Variants in BCORL1 observed in about 807,000 individuals in gnomAD.
The protein encoded by BCORL1 is BCL6 corepressor like 1, also known as BCL-6 corepressor-like protein 1.
BCORL1 carries 7 observed loss-of-function variants against 87.6 expected under a neutral mutation model. The observed-to-expected ratio is 0.08, with a 90% confidence interval of 0.05 to 0.15. BCORL1 has a LOEUF of 0.15. BCORL1 is among the 10% of genes least tolerant of loss of function. BCORL1 has a pLI of 1.00. For synonymous variants in BCORL1, 591 were observed against 634.4 expected (o/e 0.93, Z 1.03); for missense variants, 1,215 against 1,499.7 (o/e 0.81, Z 3.13).
intron 1 of BCORL1, among the ~76,000 whole-genome samples, chrX:129,995,453 T>C (rs1477233150): frequency 9.0e-6 from 1 of 111,565 alleles, no homozygotes; most frequent in South Asian, 3.8e-4. Flanking sequence ...TTTATTTTTA[T>C]TTTTTGACAC....
chrX:129,988,744 G>T (rs1048785791), intron 1 of BCORL1, among the ~76,000 whole-genome samples: 3 of 111,459 alleles, frequency 2.7e-5, no homozygotes, highest in Non-Finnish European at 5.6e-5. Context: ...ACAAAATTTG[G>T]TTACCTCATT....
chrX:130,011,152 T>TG (rs1391999081), intron 2 of BCORL1, among the ~76,000 whole-genome samples: 1 of 109,412 alleles, frequency 9.1e-6, no homozygotes, highest in African/African-American at 3.3e-5. Context: ...GCGTCTATGT[T>TG]GGGGTTTTAT....
intron 1 of BCORL1, among the ~76,000 whole-genome samples, chrX:129,993,754 G>T (rs1172774062): frequency 8.9e-6 from 1 of 111,906 alleles, no homozygotes; most frequent in Non-Finnish European, 1.9e-5. Flanking sequence ...TCTTGGAATA[G>T]ATTACGTATG....
At chrX:130,012,441 C>G in intron 2 of BCORL1, 137 bp from the exon 3 acceptor site, 1 of 512,150 alleles carries the variant, frequency 2.0e-6, no homozygotes. Flanking sequence ...CTTGTAATCC[C>G]CCTCACAAGT....
chrX:130,054,444 G>A (rs1285813116), intron 13 of BCORL1, among the ~76,000 whole-genome samples: 1 of 111,166 alleles, frequency 9.0e-6, no homozygotes, highest in Non-Finnish European at 1.9e-5. Context: ...GAGAAGGATG[G>A]AGCAAGGCAC....
Position 130,016,019 on chromosome X carries a change from C to T in BCORL1, c.3247C>T (p.Arg1083Trp), listed in dbSNP as rs759209893. The change falls in exon 4 of 14, where the codon CGG becomes TGG. Residue 1083 changes from arginine (R) to tryptophan (W), a missense_variant. Arg to Trp is a moderately radical substitution (Grantham distance 101). Transcript: ENST00000540052. ...VAPQRGQAEV[R>W]AKAGQARVKQ... ...TCCCCAGAGGGGCCAAGCTGAAGTT[C>T]GGGCTAAGGCCGGGCAGGCTCGAGT... 9.9e-6 allele frequency: 12 copies of T among 1,211,734 alleles called. No homozygotes were observed. The highest frequency in any genetic ancestry group is 2.3e-4 in the Middle Eastern group (1 of 4,354).
At chrX:129,996,297 C>A (rs1383066736) in intron 1 of BCORL1, among the ~76,000 whole-genome samples, 1 of 111,535 alleles carries the variant, frequency 9.0e-6, no homozygotes, top group Non-Finnish European at 1.9e-5. Flanking sequence ...CAGGGCCAGG[C>A]TTCAAGATGA....
At position 130,034,527 on chromosome X, in the gene BCORL1, T is replaced by C; in HGVS notation, c.4378T>C (p.Cys1460Arg). The C allele has an allele frequency of 2.0e-6, 2 of 983,043 alleles. No individual in the cohort carries two copies. Among genetic ancestry groups the C allele is most frequent in the Non-Finnish European group, 2.6e-6 (2 of 756,062 alleles). The allele number at this position is 983,043 out of a possible 1,213,427, so 81.0% of individuals were successfully genotyped here. A position where few individuals can be genotyped will look rare whatever the true frequency, so the allele number is the denominator to read the frequency against. ...SPTPVKPTEP[C>R]TPSKSRSASS... ...CACCCCAGTGAAACCCACAGAACCA[T>C]GTACACCCTCTAAGTCCCGAAGTGC... Residue 1460 changes from cysteine to arginine, a missense_variant, in exon 9 of 14, where the codon TGT becomes CGT. Physicochemically the swap from Cys to Arg is radical, Grantham distance 180. This residue lies in a region of BCORL1 where 166 missense variants were observed against 196.5 expected (regional missense o/e 0.84). Transcript: ENST00000540052.
chrX:130,025,526 G>C, intron 7 of BCORL1, 147 bp downstream of exon 7: 1 of 524,919 alleles, frequency 1.9e-6, no homozygotes. Flanking sequence ...CTCAACTCCA[G>C]CTCCGAGCCT....
At chrX:129,983,432 G>T (rs750403730) in intron 1 of BCORL1, among the ~76,000 whole-genome samples, 2 of 100,385 alleles carry the variant, frequency 2.0e-5, no homozygotes, top group Non-Finnish European at 4.1e-5. Flanking sequence ...TTTTTGGGGG[G>T]GGGGGGTGTC....
chrX:129,983,646 A>G (rs1423022515), intron 1 of BCORL1, among the ~76,000 whole-genome samples: 1 of 106,668 alleles, frequency 9.4e-6, no homozygotes, highest in Non-Finnish European at 1.9e-5. Context: ...GAGTCCCTGG[A>G]AAAAAGGCGG....
rs1045410464 is a variant in BCORL1, at chrX:130,056,207, G to A, written c.*71G>A. 1.5e-5 allele frequency: 15 copies of A among 1,032,926 alleles called. No homozygotes were observed. Among genetic ancestry groups the A allele is most frequent in the South Asian group, 2.4e-5 (1 of 40,939 alleles). The allele number at this position is 1,032,926 out of a possible 1,213,427, so 85.1% of individuals were successfully genotyped here. ...TTCCCCCACCTCCTTGTCTTTCCCC[G>A]ACCGAGCACCAGACTGCAGAATGAG... On this transcript the variant is annotated 3_prime_UTR_variant, in exon 14 of 14. Coordinates refer to ENST00000540052, the MANE Select transcript of BCORL1 (RefSeq NM_001379451.1).
chrX:130,034,432 A>G, intron 8 of BCORL1, 23 bp from the exon 9 acceptor site: 1 of 973,388 alleles, frequency 1.0e-6, no homozygotes, highest in Non-Finnish European at 1.3e-6. Context: ...GACCTGACCT[A>G]GGACTGCATC....
At chrX:130,034,744 T>C in intron 9 of BCORL1, 68 bp downstream of exon 9, 2 of 796,177 alleles carry the variant, frequency 2.5e-6, no homozygotes, top group Admixed American at 6.3e-5. Context: ...CTTTTCTCCA[T>C]GGGCTCTTCT....
At position 130,034,584 on chromosome X, in the gene BCORL1, G is replaced by A. The variant is rs771585217; in HGVS notation, c.4435G>A (p.Ala1479Thr). 4.1e-6 allele frequency: 4 copies of A among 983,398 alleles called. No homozygotes were observed. Among genetic ancestry groups the A allele is most frequent in the Non-Finnish European group, 5.3e-6 (4 of 756,203 alleles). 81.0% of individuals were successfully genotyped at this position (983,398 alleles called of 1,213,427 possible). ...SSEEASESPT[A>T]RQIPPEARRL... Reference sequence around the variant, plus strand: ...AGAGGAGGCCTCAGAGTCACCTACAGCCCGGCAGATCCCCCCAGAGGCACG... The same window carrying A: ...AGAGGAGGCCTCAGAGTCACCTACAACCCGGCAGATCCCCCCAGAGGCACG... The change falls in exon 9 of 14, where the codon GCC (alanine) becomes ACC (threonine). Residue 1479 changes from alanine (A) to threonine (T), a missense_variant. Ala to Thr is a moderately conservative substitution (Grantham distance 58). This residue lies in a region of BCORL1 where 55 missense variants were observed against 115.1 expected (regional missense o/e 0.48). Coordinates refer to ENST00000540052, the MANE Select transcript of BCORL1 (RefSeq NM_001379451.1).
chrX:129,982,237 T>C (rs1227287956), upstream of BCORL1, among the ~76,000 whole-genome samples: 2 of 111,206 alleles, frequency 1.8e-5, no homozygotes, highest in African/African-American at 6.5e-5. Flanking sequence ...GCCCCGCAGA[T>C]TGAGCGCCTC....
At chrX:130,031,658 C>T (rs982034718) in intron 8 of BCORL1, among the ~76,000 whole-genome samples, 7 of 111,560 alleles carry the variant, frequency 6.3e-5, no homozygotes, top group Non-Finnish European at 1.1e-4. Context: ...GTGGCACCTG[C>T]CTTTAGTTCC....
At position 130,013,016 on chromosome X, in the gene BCORL1, GA is replaced by G; in HGVS notation, c.249del (p.Lys83AsnfsTer33). The G allele has an allele frequency of 8.3e-7, 1 of 1,208,664 alleles. No individual in the cohort carries two copies. The highest frequency in any genetic ancestry group is 1.1e-6 in the Non-Finnish European group (1 of 892,787). On this transcript the variant is annotated frameshift_variant, in exon 4 of 14. Coordinates refer to ENST00000540052, the MANE Select transcript of BCORL1 (RefSeq NM_001379451.1). LOFTEE classifies it high-confidence loss of function. ...GGCAGACCCAGATGGCAGTGCTACAGAAAAACTTGGGCACAAGTCAGAAGAC... is the reference window on the plus strand; with the variant it reads ...GGCAGACCCAGATGGCAGTGCTACAGAAAACTTGGGCACAAGTCAGAAGAC... ...RGADPDGSAT[E>X]KLGHKSEDKP...
intron 1 of BCORL1, among the ~76,000 whole-genome samples, chrX:129,998,262 T>G (rs1682642797): frequency 9.1e-6 from 1 of 110,006 alleles, no homozygotes. Context: ...TGCCTGTGCT[T>G]CCTGGGTCAT....
Sources: gnomAD v4.1 joint callset for allele counts (sites outside exome capture counted in the v4.1 genomes callset) on GRCh38, gnomAD v4.1.1 for gene constraint, gnomAD v4.1.1 regional missense constraint, MANE v1.5 for transcripts, NCBI Gene and HGNC (gene_info 2026-07-23, HGNC 2026-07-21) for gene names.